ESRRG: variants seen among roughly 807,000 people sequenced by gnomAD.
ESRRG encodes the protein estrogen related receptor gamma.
A neutral mutation model predicts 44.0 loss-of-function variants in ESRRG; 13 were observed. The observed-to-expected ratio is 0.30, with a 90% CI of 0.19 to 0.47. ESRRG has a LOEUF of 0.47. Ranked by LOEUF, ESRRG falls within the 20% of genes least tolerant of loss-of-function variation. The pLI, the probability that ESRRG is intolerant of heterozygous loss-of-function variation, is 1.00. For missense variants in ESRRG, 395 were observed against 580.6 expected, an observed-to-expected ratio of 0.68 and a Z score of 3.29; for synonymous variants, 215 against 214.6, an observed-to-expected ratio of 1.00 and a Z score of -0.02.
intron 1 of ESRRG, among the ~76,000 whole-genome samples, chr1:217,065,993 CA>C (rs1364360260): frequency 9.2e-5 from 14 of 152,150 alleles, no homozygotes; most frequent in African/African-American, 3.4e-4. Context: ...CCGAAGTGCA[CA>C]GTCATTGTCC....
chr1:216,629,338 AT>A (rs918186975), intron 3 of ESRRG, among the ~76,000 whole-genome samples: 13 of 151,926 alleles, frequency 8.6e-5, no homozygotes, highest in Middle Eastern at 3.4e-3. Flanking sequence ...GGAAGGAAAG[AT>A]TTTTTTTTCT....
At chr1:216,687,597 G>A (rs756006266) in intron 1 of ESRRG, among the ~76,000 whole-genome samples, 55 of 152,276 alleles carry the variant, frequency 3.6e-4, no homozygotes, top group Non-Finnish European at 6.3e-4. Flanking sequence ...GAATCTGGAT[G>A]CAAGGGATCC....
chr1:216,532,822 T>A (rs1490070221), intron 5 of ESRRG, among the ~76,000 whole-genome samples: 1 of 152,192 alleles, frequency 6.6e-6, no homozygotes, highest in Admixed American at 6.6e-5. Context: ...ATGATGATTG[T>A]CAATTTAAAA....
At position 216,564,400 on chromosome 1, in the gene ESRRG, C is replaced by A; in HGVS notation, c.701-20G>T. The A allele has an allele frequency of 6.3e-7, 1 of 1,588,954 alleles. No homozygotes were observed. Among genetic ancestry groups the A allele is most frequent in the Non-Finnish European group, 8.6e-7 (1 of 1,168,742 alleles). On this transcript the variant is annotated intron_variant, in intron 4 of 6. Transcript: ENST00000408911. Reference sequence around the variant, plus strand: ...TGTTATCTGCAGGATCAGACCAGAGCACTACAAGATCACTAGTAGTATCAT... The same window carrying A: ...TGTTATCTGCAGGATCAGACCAGAGAACTACAAGATCACTAGTAGTATCAT...
upstream of ESRRG, among the ~76,000 whole-genome samples, chr1:216,727,635 G>A (rs2087815521): frequency 6.6e-6 from 1 of 151,892 alleles, no homozygotes; most frequent in Middle Eastern, 3.2e-3. Flanking sequence ...CTCATTTTCT[G>A]TTGCCTTTCA....
At chr1:216,994,875 G>T (rs974177606) in intron 1 of ESRRG, among the ~76,000 whole-genome samples, 1 of 152,062 alleles carries the variant, frequency 6.6e-6, no homozygotes, top group East Asian at 1.9e-4. Context: ...GTGAGCCACC[G>T]TGCCCGGCCC....
intron 3 of ESRRG, among the ~76,000 whole-genome samples, chr1:216,577,896 G>A (rs2061988509): frequency 6.6e-6 from 1 of 152,030 alleles, no homozygotes; most frequent in Non-Finnish European, 1.5e-5. Context: ...GAAGCTCAAA[G>A]AGGAACTTAT....
In ESRRG at chr1:216,998,599, G is replaced by A. The variant is rs189244218; in HGVS notation, c.-105-58926C>T. Among the ~76,000 whole-genome samples, 4 of 152,180 alleles carry A rather than the reference G, an allele frequency of 2.6e-5. No individual in the cohort carries two copies. In the East Asian group the frequency reaches 7.7e-4, roughly 29 times the overall value. Reference sequence around the variant, plus strand: ...TAATTTAGCATTTTGCTTACATTTTGTTATTTCTGTTATCACAATTAAGAA... The same window carrying A: ...TAATTTAGCATTTTGCTTACATTTTATTATTTCTGTTATCACAATTAAGAA... On this transcript the variant is annotated intron_variant, in intron 1 of 7. Coordinates refer to the ESRRG transcript ENST00000359162.
intron 1 of ESRRG, among the ~76,000 whole-genome samples, chr1:216,687,031 GTGTGTGTGTGTGTGTC>G (rs2078116397): frequency 1.3e-5 from 2 of 148,176 alleles, no homozygotes; most frequent in African/African-American, 2.6e-5. Flanking sequence ...GGGCCCGTGT[GTGTGTGTGTGTGTGTC>G]TGTGTGTGTG....
chr1:216,718,498 G>C (rs946183888), intron 1 of ESRRG, among the ~76,000 whole-genome samples: 1 of 151,906 alleles, frequency 6.6e-6, no homozygotes, highest in African/African-American at 2.4e-5. Context: ...AAATGCAATG[G>C]AAAGATTGTC....
chr1:216,574,466 T>C (rs748590940), intron 3 of ESRRG, among the ~76,000 whole-genome samples: 2 of 152,126 alleles, frequency 1.3e-5, no homozygotes, highest in Non-Finnish European at 2.9e-5. Context: ...ATTTTTATAA[T>C]ATTCTGTAGT....
intron 2 of ESRRG, among the ~76,000 whole-genome samples, chr1:216,841,250 G>A (rs1399171557): frequency 6.6e-6 from 1 of 152,002 alleles, no homozygotes; most frequent in East Asian, 1.9e-4. Context: ...AGGAGAGAGA[G>A]AGAAACACGC....
chr1:216,955,342 T>C (rs1050633859), intron 1 of ESRRG, among the ~76,000 whole-genome samples: 1 of 152,226 alleles, frequency 6.6e-6, no homozygotes, highest in Admixed American at 6.5e-5. Flanking sequence ...TCCTTCAGGT[T>C]CATCCACATT....
chr1:216,625,927 G>A (rs1038431637), intron 3 of ESRRG, among the ~76,000 whole-genome samples: 12 of 151,886 alleles, frequency 7.9e-5, no homozygotes, highest in Non-Finnish European at 1.3e-4. Context: ...CTTTGTCTCC[G>A]TATGCCTTTC....
chr1:216,865,953 G>T (rs2149150523), intron 2 of ESRRG, among the ~76,000 whole-genome samples: 3 of 152,236 alleles, frequency 2.0e-5, no homozygotes, highest in Middle Eastern at 3.4e-3. Flanking sequence ...AATGTTTAAG[G>T]AAAGGCCATC....
In ESRRG at chr1:216,905,837, G is replaced by A. The variant is rs61818570; in HGVS notation, c.-14+33745C>T. Reference sequence around the variant, plus strand: ...CAGCACACTGCAACCTCCAACCTCCGCCTCCCAGGTTCAAGTGATTGTCTT... The same window carrying A: ...CAGCACACTGCAACCTCCAACCTCCACCTCCCAGGTTCAAGTGATTGTCTT... On this transcript the variant is annotated intron_variant, in intron 2 of 7. Coordinates refer to the ESRRG transcript ENST00000359162. 9.4e-3 allele frequency among the ~76,000 whole-genome samples: 1,435 copies of A among 152,168 alleles called. 9 individuals are homozygous for A. The highest frequency in any genetic ancestry group is 0.014 in the Non-Finnish European group (981 of 68,018).
intron 3 of ESRRG, among the ~76,000 whole-genome samples, chr1:216,570,522 C>T (rs1224693197): frequency 6.6e-6 from 1 of 152,066 alleles, no homozygotes; most frequent in Non-Finnish European, 1.5e-5. Flanking sequence ...GAATAGTTTT[C>T]CAGTTGAAGG....
chr1:216,527,700 A>T (rs2048089831), intron 5 of ESRRG, among the ~76,000 whole-genome samples: 1 of 152,130 alleles, frequency 6.6e-6, no homozygotes, highest in South Asian at 2.1e-4. Flanking sequence ...TTTCTCTTTT[A>T]TACATGTGAA....
In ESRRG at chr1:216,634,132, C is replaced by T. The variant is rs756979284; in HGVS notation, c.589+16841G>A. 3.9e-5 allele frequency among the ~76,000 whole-genome samples: 6 copies of T among 152,164 alleles called. No homozygotes were observed. The South Asian group carries it at 6.2e-4, about 16-fold the overall frequency. On this transcript the variant is annotated intron_variant, in intron 3 of 6. Coordinates refer to ENST00000408911, the MANE Select transcript of ESRRG (RefSeq NM_001438.4). ...AACTATACTGATCATTCCTTTTCCA[C>T]GCTCAGCCCAGTATCTCTGAAGCAT... is the stretch of plus-strand genomic sequence containing the variant.
Sources: gnomAD v4.1 joint callset for allele counts (sites outside exome capture counted in the v4.1 genomes callset) on GRCh38, gnomAD v4.1.1 for gene constraint, MANE v1.5 for transcripts, NCBI Gene and HGNC (gene_info 2026-07-23, HGNC 2026-07-21) for gene names.